The following ACTR3C variants were observed in gnomAD, a reference collection of about 807,000 sequenced individuals.
The protein encoded by ACTR3C is actin-related protein 3C.
ACTR3C carries 18 observed loss-of-function variants against 26.3 expected under a neutral mutation model. The ratio of observed to expected loss-of-function variants is 0.68; its 90% confidence interval spans 0.47 to 1.01. ACTR3C has a LOEUF of 1.01. Ranked by LOEUF, ACTR3C falls within the 50% of genes least tolerant of loss-of-function variation. The pLI, the probability that ACTR3C is intolerant of heterozygous loss-of-function variation, is 0.00. For synonymous variants in ACTR3C, 55 were observed against 94.5 expected (o/e 0.58, Z 2.42); for missense variants, 184 against 250.7 (o/e 0.73, Z 1.80).
At chr7:150,306,045 G>A (rs1240254202) in intron 1 of ACTR3C, among the ~76,000 whole-genome samples, 1 of 152,150 alleles carries the variant, frequency 6.6e-6, no homozygotes, top group East Asian at 1.9e-4. Flanking sequence ...ACCACAACAT[G>A]CAACAGAATG....
the ACTR3C span, among the ~76,000 whole-genome samples, chr7:150,148,182 G>A: frequency 1.3e-5 from 2 of 151,212 alleles, no homozygotes; most frequent in African/African-American, 2.4e-5. Flanking sequence ...AAAGAAAAGG[G>A]GAAAAAAAAA....
At chr7:150,158,743 T>G in the ACTR3C span, among the ~76,000 whole-genome samples, 3 of 152,326 alleles carry the variant, frequency 2.0e-5, no homozygotes, top group East Asian at 5.8e-4. Flanking sequence ...CACTGTATTG[T>G]GTACTTGGAA....
At chr7:150,229,559 A>G in the ACTR3C span, among the ~76,000 whole-genome samples, 1 of 151,900 alleles carries the variant, frequency 6.6e-6, no homozygotes, top group African/African-American at 2.4e-5. Context: ...ATCTCAGCTC[A>G]CTGCAACCTC....
At chr7:149,917,040 C>T in the ACTR3C span, among the ~76,000 whole-genome samples, 21 of 151,956 alleles carry the variant, frequency 1.4e-4, no homozygotes, top group Middle Eastern at 6.8e-3. Context: ...CGATGCTTCT[C>T]TCTGTACATA....
chr7:150,321,320 G>A (rs919046220), intron 1 of ACTR3C, among the ~76,000 whole-genome samples: 1 of 152,144 alleles, frequency 6.6e-6, no homozygotes, highest in Non-Finnish European at 1.5e-5. Context: ...ACAATTGTTT[G>A]AATAATTTTT....
the ACTR3C span, among the ~76,000 whole-genome samples, chr7:149,963,907 G>A: frequency 6.6e-6 from 1 of 152,276 alleles, no homozygotes; most frequent in African/African-American, 2.4e-5. Flanking sequence ...GTATATCACT[G>A]CTAGTGACAA....
chr7:149,999,817 C>T, the ACTR3C span, among the ~76,000 whole-genome samples: 5 of 151,932 alleles, frequency 3.3e-5, no homozygotes, highest in Admixed American at 1.3e-4. Flanking sequence ...CCAACAAAAC[C>T]GTGGGTCTTT....
At chr7:149,931,066 A>AT in the ACTR3C span, among the ~76,000 whole-genome samples, 1 of 152,184 alleles carries the variant, frequency 6.6e-6, no homozygotes, top group African/African-American at 2.4e-5. Context: ...GGGTTTCGCC[A>AT]TGTTGGCCAG....
chr7:150,225,274 G>A, the ACTR3C span, among the ~76,000 whole-genome samples: 1 of 152,042 alleles, frequency 6.6e-6, no homozygotes, highest in Admixed American at 6.5e-5. Flanking sequence ...TAATGTATTT[G>A]TACATACTAA....
At chr7:149,948,559 C>T in the ACTR3C span, among the ~76,000 whole-genome samples, 11 of 151,386 alleles carry the variant, frequency 7.3e-5, no homozygotes, top group South Asian at 2.1e-4. Flanking sequence ...AGTCCAGGCC[C>T]GCTGGCTGGA....
At chr7:150,037,303 T>C in the ACTR3C span, among the ~76,000 whole-genome samples, 3 of 45,480 alleles carry the variant, frequency 6.6e-5, no homozygotes, top group Non-Finnish European at 1.5e-4. Context: ...CCTAAGGATC[T>C]TAGGATCAAC....
the ACTR3C span, among the ~76,000 whole-genome samples, chr7:150,203,354 A>AT: frequency 6.6e-6 from 1 of 152,140 alleles, no homozygotes; most frequent in Non-Finnish European, 1.5e-5. Context: ...AGAAAATGAG[A>AT]TTTTTCCACT....
At chr7:150,279,179 C>A (rs1299967832) in intron 6 of ACTR3C, among the ~76,000 whole-genome samples, 1 of 152,096 alleles carries the variant, frequency 6.6e-6, no homozygotes, top group Non-Finnish European at 1.5e-5. Context: ...GTCGCCCACA[C>A]CTGTAGTTCC....
In ACTR3C at chr7:150,248,973, T is replaced by G; in HGVS notation, c.*13A>C. 1.5e-6 allele frequency: 1 copy of G among 646,638 alleles called. No homozygotes were observed. The highest frequency in any genetic ancestry group is 2.8e-6 in the Non-Finnish European group (1 of 358,094). The allele number at this position is 646,638 out of a possible 1,614,324, so 40.1% of individuals were successfully genotyped here. A position where few individuals can be genotyped will look rare whatever the true frequency, so the allele number is the denominator to read the frequency against. On this transcript the variant is annotated 3_prime_UTR_variant, in exon 7 of 8. Transcript: ENST00000683684. ...CTCAAATAAAAGGCTACGCATGGGCTCAATATATCATCTCAATGAAATGGA... is the reference window on the plus strand; with the variant it reads ...CTCAAATAAAAGGCTACGCATGGGCGCAATATATCATCTCAATGAAATGGA...
chr7:150,080,037 G>A, the ACTR3C span, among the ~76,000 whole-genome samples: 6 of 152,120 alleles, frequency 3.9e-5, no homozygotes, highest in Admixed American at 3.3e-4. Flanking sequence ...AAGTCAGCAC[G>A]GCAAGAATGC....
the ACTR3C span, among the ~76,000 whole-genome samples, chr7:150,006,094 C>T: frequency 9.0e-3 from 1,365 of 152,210 alleles, 22 homozygotes; most frequent in African/African-American, 0.031. Context: ...CCACTGATCA[C>T]AGGCTCTGTT....
At chr7:149,888,006 C>G in the ACTR3C span, among the ~76,000 whole-genome samples, 6 of 136,424 alleles carry the variant, frequency 4.4e-5, no homozygotes, top group Non-Finnish European at 8.0e-5. Flanking sequence ...CTTTTTTTTT[C>G]CCCCCAGTTT....
the ACTR3C span, among the ~76,000 whole-genome samples, chr7:150,228,342 A>G: frequency 0.044 from 6,751 of 152,218 alleles, 350 homozygotes; most frequent in East Asian, 0.15. Context: ...ACATTTCCAT[A>G]TTGTGGTAGG....
At chr7:150,179,492 T>C in the ACTR3C span, among the ~76,000 whole-genome samples, 1 of 148,952 alleles carries the variant, frequency 6.7e-6, no homozygotes, top group African/African-American at 2.6e-5. Context: ...AAACCAGCTT[T>C]TCTTTTTGTC....
Sources: gnomAD v4.1 joint callset for allele counts (sites outside exome capture counted in the v4.1 genomes callset) on GRCh38, gnomAD v4.1.1 for gene constraint, MANE v1.5 for transcripts, NCBI Gene and HGNC (gene_info 2026-07-23, HGNC 2026-07-21) for gene names.